Variants in PDE1C observed in about 807,000 individuals in gnomAD.
PDE1C encodes the protein dual specificity calcium/calmodulin-dependent 3',5'-cyclic nucleotide phosphodiesterase 1C.
Under a neutral mutation model 93.1 loss-of-function variants are expected in PDE1C, and 62 were observed. The ratio of observed to expected loss-of-function variants is 0.67; its 90% CI spans 0.54 to 0.82. The LOEUF is 0.82. PDE1C is among the 40% of genes least tolerant of loss of function. The probability of loss-of-function intolerance (pLI) is 0.00; values close to 1 mark genes in which losing one functional copy is unlikely to be tolerated. For synonymous variants in PDE1C, 325 were observed against 310.1 expected (o/e 1.05, Z -0.50); for missense variants, 742 against 884.6 (o/e 0.84, Z 2.04).
chr7:31,847,883 T>C (rs1792829160), intron 9 of PDE1C, 85 bp downstream of exon 9: 2 of 1,375,914 alleles, frequency 1.5e-6, no homozygotes, highest in Non-Finnish European at 2.1e-6. Flanking sequence ...TTAAGCAAGG[T>C]GTTCTTTTCT....
chr7:31,901,634 A>C (rs1168241166), intron 2 of PDE1C, among the ~76,000 whole-genome samples: 1 of 151,224 alleles, frequency 6.6e-6, no homozygotes, highest in Non-Finnish European at 1.5e-5. Context: ...AGAAGGCTAA[A>C]CTTTTAAACA....
chr7:31,805,404 A>C (rs1463912395), intron 16 of PDE1C, among the ~76,000 whole-genome samples: 2 of 151,956 alleles, frequency 1.3e-5, no homozygotes, highest in East Asian at 2.0e-4. Context: ...AGTGAAACTG[A>C]CAATAAGGGA....
At chr7:31,631,498 T>A in the PDE1C span, among the ~76,000 whole-genome samples, 3 of 152,364 alleles carry the variant, frequency 2.0e-5, no homozygotes, top group East Asian at 5.8e-4. Flanking sequence ...TATTTATGAT[T>A]TTTTATTTTT....
intron 2 of PDE1C, among the ~76,000 whole-genome samples, chr7:31,930,337 G>A (rs1345319038): frequency 1.3e-5 from 2 of 152,144 alleles, no homozygotes; most frequent in African/African-American, 2.4e-5. Flanking sequence ...GGTACAAAGA[G>A]GAGCTGGTAT....
At chr7:31,949,745 T>C (rs17334709) in intron 2 of PDE1C, among the ~76,000 whole-genome samples, 64,439 of 151,984 alleles carry the variant, frequency 0.42, 15,444 homozygotes, top group Non-Finnish European at 0.54. Flanking sequence ...GCATTTTTAT[T>C]TATGAGTTTG....
In PDE1C at chr7:31,905,841, C is replaced by T. The variant is rs570538510; in HGVS notation, c.129-24981G>A. ...TAATCGAATCATGTGGGTGGTTACC[C>T]CCATGCTATTGTTCTCATGATAGTG... On this transcript the variant is annotated intron_variant, in intron 2 of 17. Transcript: ENST00000396191. Among the ~76,000 whole-genome samples, 185 of 152,184 alleles carry T rather than the reference C, an allele frequency of 1.2e-3. 1 individual carries two copies. Among genetic ancestry groups the T allele is most frequent in the African/African-American group, 4.4e-3 (181 of 41,528 alleles).
At chr7:32,358,254 A>G (rs1332661410) in intron 1 of PDE1C, among the ~76,000 whole-genome samples, 2 of 152,232 alleles carry the variant, frequency 1.3e-5, no homozygotes, top group Non-Finnish European at 2.9e-5. Flanking sequence ...CAAACACAAG[A>G]GTATCTTTCC....
At chr7:32,071,467 C>T, upstream of PDE1C, 1 of 964,860 alleles carries the variant, frequency 1.0e-6, no homozygotes, top group Non-Finnish European at 1.2e-6. Flanking sequence ...GCTCTCTCTC[C>T]TCCCTCATTC....
intron 1 of PDE1C, among the ~76,000 whole-genome samples, chr7:32,385,775 A>G (rs541459949): frequency 6.6e-5 from 10 of 152,268 alleles, no homozygotes; most frequent in African/African-American, 2.4e-4. Context: ...AACCCCAGGG[A>G]GTCAGATAAG....
chr7:31,701,439 A>C, the PDE1C span, among the ~76,000 whole-genome samples: 1 of 152,250 alleles, frequency 6.6e-6, no homozygotes, highest in Non-Finnish European at 1.5e-5. Flanking sequence ...TCAGCAAAGA[A>C]AATGGTTTCT....
the PDE1C span, among the ~76,000 whole-genome samples, chr7:31,689,437 C>A: frequency 6.6e-6 from 1 of 152,094 alleles, no homozygotes; most frequent in Admixed American, 6.5e-5. Context: ...ATGATGAAAC[C>A]TTCCCTGGGC....
the PDE1C span, among the ~76,000 whole-genome samples, chr7:31,721,851 T>C: frequency 2.0e-5 from 3 of 152,178 alleles, no homozygotes; most frequent in Admixed American, 6.5e-5. Context: ...GAAAATAATA[T>C]TCCCTGAATA....
chr7:32,220,076 C>T (rs1806731237), intron 1 of PDE1C, among the ~76,000 whole-genome samples: 1 of 152,116 alleles, frequency 6.6e-6, no homozygotes, highest in Non-Finnish European at 1.5e-5. Context: ...CCTCCCCAGC[C>T]ACATGGAACT....
At chr7:32,027,020 A>C (rs955674535) in intron 2 of PDE1C, among the ~76,000 whole-genome samples, 3 of 152,156 alleles carry the variant, frequency 2.0e-5, no homozygotes, top group Non-Finnish European at 2.9e-5. Flanking sequence ...GAGGAGGAAA[A>C]GTTGAATAGG....
At chr7:31,669,665 T>C in the PDE1C span, among the ~76,000 whole-genome samples, 1 of 152,176 alleles carries the variant, frequency 6.6e-6, no homozygotes, top group Non-Finnish European at 1.5e-5. Flanking sequence ...CATCAGACTC[T>C]TCTTCTTGCC....
At chr7:31,918,972 C>T (rs1413821910) in intron 2 of PDE1C, among the ~76,000 whole-genome samples, 1 of 152,166 alleles carries the variant, frequency 6.6e-6, no homozygotes, top group Non-Finnish European at 1.5e-5. Context: ...TTTCCTGTTT[C>T]TTCATTGCCA....
chr7:31,873,720 C>A (rs1796214324), intron 5 of PDE1C, among the ~76,000 whole-genome samples: 1 of 152,072 alleles, frequency 6.6e-6, no homozygotes, highest in Non-Finnish European at 1.5e-5. Flanking sequence ...AGATATTAGT[C>A]GCATTTTATG....
intron 3 of PDE1C, among the ~76,000 whole-genome samples, chr7:32,102,115 A>G (rs998683269): frequency 5.9e-5 from 9 of 152,200 alleles, no homozygotes; most frequent in African/African-American, 2.2e-4. Flanking sequence ...TCAACATTGA[A>G]GGTCACATTT....
chr7:32,031,312 C>T (rs1790278748), intron 2 of PDE1C, among the ~76,000 whole-genome samples: 5 of 152,124 alleles, frequency 3.3e-5, no homozygotes, highest in Admixed American at 3.3e-4. Flanking sequence ...GATAATTTTA[C>T]TATACACTGA....
Sources: allele counts gnomAD v4.1 joint callset (sites outside exome capture counted in the v4.1 genomes callset), GRCh38; gene constraint gnomAD v4.1.1; transcripts MANE v1.5; gene names NCBI Gene and HGNC (gene_info 2026-07-23, HGNC 2026-07-21).